SLC36A4: variants seen among roughly 807,000 people sequenced by gnomAD.
The protein encoded by SLC36A4 is neutral amino acid uniporter 4.
A neutral mutation model predicts 50.5 loss-of-function variants in SLC36A4; 49 were observed. That is an observed-to-expected ratio of 0.97 (90% confidence interval 0.77 to 1.23). The LOEUF is 1.23. Ranked by LOEUF, SLC36A4 falls within the 50% of genes most tolerant of loss-of-function variation. The probability of loss-of-function intolerance (pLI) is 0.00; values close to 1 mark genes in which losing one functional copy is unlikely to be tolerated. For synonymous variants in SLC36A4, 207 were observed against 206.5 expected, an observed-to-expected ratio of 1.00 and a Z score of -0.02; for missense variants, 611 against 608.4, an observed-to-expected ratio of 1.00 and a Z score of -0.05.
intron 7 of SLC36A4, chr11:93,166,427 T>C (rs1319921297): frequency 9.1e-6 from 9 of 989,200 alleles, no homozygotes; most frequent in Middle Eastern, 5.2e-4. Flanking sequence ...TCTATTTTTA[T>C]TGCTCTTTCA....
chr11:93,156,054 T>A (rs1468549041), intron 9 of SLC36A4, among the ~76,000 whole-genome samples: 1 of 152,212 alleles, frequency 6.6e-6, no homozygotes, highest in Non-Finnish European at 1.5e-5. Context: ...TATGTGTTTT[T>A]CTAATAGAAT....
At chr11:93,197,486 T>G in intron 1 of SLC36A4, 1 of 489,070 alleles carries the variant, frequency 2.0e-6, no homozygotes, top group Non-Finnish European at 3.6e-6. Flanking sequence ...CTCTTGCGTC[T>G]TTGACGTGTA....
Position 93,148,590 on chromosome 11 carries a change from G to C in SLC36A4, c.1462C>G (p.Gln488Glu), listed in dbSNP as rs1255790733. 3.7e-6 allele frequency: 6 copies of C among 1,612,698 alleles called. No homozygotes were observed. The South Asian group carries it at 5.5e-5, about 15-fold the overall frequency. The change falls in exon 11 of 11, where the codon CAG (glutamine) becomes GAG (glutamate). Residue 488 changes from glutamine (Q) to glutamate (E), a missense_variant. Coordinates refer to ENST00000326402, the MANE Select transcript of SLC36A4 (RefSeq NM_152313.4). Reference protein sequence around the residue: ...PTPKVVAGTPQSPFLNLNSTC... With the variant: ...PTPKVVAGTPESPFLNLNSTC... ...GAATTCAAATTTAGAAAAGGACTCTGTGGAGTGCCAGCTACAACTTTGGGA... is the reference window on the plus strand; with the variant it reads ...GAATTCAAATTTAGAAAAGGACTCTCTGGAGTGCCAGCTACAACTTTGGGA...
intron 1 of SLC36A4, among the ~76,000 whole-genome samples, chr11:93,195,003 C>T (rs1044239081): frequency 6.6e-5 from 10 of 151,944 alleles, no homozygotes; most frequent in East Asian, 5.8e-4. Context: ...GGCTATTGTC[C>T]GGAGCCCTCA....
chr11:93,160,489 T>C, intron 9 of SLC36A4: 1 of 985,360 alleles, frequency 1.0e-6, no homozygotes, highest in African/African-American at 1.7e-5. Flanking sequence ...CAATTAGGAA[T>C]AAGGTCAGAT....
rs1859878097 is a variant in SLC36A4 at position 93,147,394 on chromosome 11, T to C, written c.*1143A>G. The C allele has an allele frequency of 1.3e-5, 2 of 152,100 alleles. No individual in the cohort carries two copies. The highest frequency in any genetic ancestry group is 2.1e-4 in the South Asian group (1 of 4,832). The allele number at this position is 152,100 out of a possible 1,614,324, so 9.4% of individuals were successfully genotyped here. On this transcript the variant is annotated 3_prime_UTR_variant, in exon 11 of 11. Transcript: ENST00000326402. ...TTTCTGAGGTGTCTATTTTCTGCCA[T>C]TCAGGAATGTGGTGCCTACAAAACT...
intron 4 of SLC36A4, chr11:93,182,234 TTCTC>T (rs921243590): frequency 1.3e-6 from 1 of 748,594 alleles, no homozygotes; most frequent in Non-Finnish European, 1.6e-6. Context: ...TATTTCTCCA[TTCTC>T]TCTTTTTTTT....
intron 1 of SLC36A4, among the ~76,000 whole-genome samples, chr11:93,197,005 T>C (rs1206561090): frequency 6.6e-6 from 1 of 152,206 alleles, no homozygotes; most frequent in African/African-American, 2.4e-5. Flanking sequence ...CCCTGCAGGC[T>C]ATTAGAGGAA....
At chr11:93,190,619 C>T (rs1306960944) in intron 1 of SLC36A4, among the ~76,000 whole-genome samples, 3 of 152,112 alleles carry the variant, frequency 2.0e-5, no homozygotes, top group Admixed American at 6.5e-5. Context: ...GATTAAAATA[C>T]TTCTTAATAG....
chr11:93,153,348 A>AT lies in SLC36A4; in HGVS notation c.1207+759dup, dbSNP rs1490261107. Among the ~76,000 whole-genome samples, 3 of 152,274 alleles carry AT rather than the reference A, an allele frequency of 2.0e-5. No homozygotes were observed. The East Asian group carries it at 5.8e-4, about 29-fold the overall frequency. On this transcript the variant is annotated intron_variant, in intron 10 of 10. Transcript: ENST00000326402. ...TACAGTAATGGTTACAATAATGATCATAACTTCCAGCTATTAATACTTTGT... is the reference window on the plus strand; with the variant it reads ...TACAGTAATGGTTACAATAATGATCATTAACTTCCAGCTATTAATACTTTGT...
At chr11:93,174,137 T>C (rs1330655510) in intron 6 of SLC36A4, among the ~76,000 whole-genome samples, 9 of 150,558 alleles carry the variant, frequency 6.0e-5, no homozygotes, top group African/African-American at 1.7e-4. Flanking sequence ...CAGTGGTTTG[T>C]AGTTCTCCTT....
chr11:93,166,965 CT>C (rs1860897351), intron 7 of SLC36A4: 1 of 152,154 alleles, frequency 6.6e-6, no homozygotes, highest in Non-Finnish European at 1.5e-5. Context: ...AAGCAGGATG[CT>C]ATTTCACTTC....
At chr11:93,148,873 T>C (rs746662072) in intron 10 of SLC36A4, 29 bp from the exon 11 acceptor site, 1 of 1,566,934 alleles carries the variant, frequency 6.4e-7, no homozygotes, top group South Asian at 1.2e-5. Flanking sequence ...TTTATTTTTC[T>C]TATTTAAATG....
chr11:93,150,682 T>C (rs1860046201), intron 10 of SLC36A4, among the ~76,000 whole-genome samples: 2 of 152,106 alleles, frequency 1.3e-5, no homozygotes, highest in Admixed American at 6.6e-5. Context: ...ATTCGTCTAA[T>C]AGATGCTTGT....
chr11:93,148,844 C>T lies in SLC36A4; in HGVS notation c.1208G>A (p.Cys403Tyr), dbSNP rs1323631059. The change falls in exon 11 of 11, where the codon TGT (cysteine) becomes TAT (tyrosine). Residue 403 changes from cysteine (C) to tyrosine (Y), a missense_variant and splice_region_variant. Transcript: ENST00000326402. Reference sequence around the variant, plus strand: ...ACGAGGAATAAGAATTGCTCCGGCACCTAGAAAATGAAAATACATTTATTT... The same window carrying T: ...ACGAGGAATAAGAATTGCTCCGGCATCTAGAAAATGAAAATACATTTATTT... ...GIRSFLVSIT[C>Y]AGAILIPRLD... 12 of 1,595,894 alleles carry T rather than the reference C, an allele frequency of 7.5e-6. No homozygotes were observed. The highest frequency in any genetic ancestry group is 1.0e-5 in the Non-Finnish European group (12 of 1,175,270).
intron 9 of SLC36A4, among the ~76,000 whole-genome samples, chr11:93,156,817 T>C (rs867656153): frequency 7.2e-5 from 11 of 152,140 alleles, no homozygotes; most frequent in Admixed American, 2.0e-4. Flanking sequence ...GTTCACTCTG[T>C]TGATAGTTTT....
At chr11:93,175,005 T>C (rs1311982240) in intron 6 of SLC36A4, among the ~76,000 whole-genome samples, 1 of 151,916 alleles carries the variant, frequency 6.6e-6, no homozygotes. Context: ...TTGATTGGAA[T>C]ACTTTCAGAA....
chr11:93,181,997 C>T (rs1861757932), intron 4 of SLC36A4, among the ~76,000 whole-genome samples: 2 of 152,210 alleles, frequency 1.3e-5, no homozygotes, highest in African/African-American at 4.8e-5. Context: ...TTTACCAGTA[C>T]ATTAATTTTA....
In SLC36A4 at chr11:93,168,098, C is replaced by T. The variant is rs1025816105; in HGVS notation, c.614G>A (p.Arg205Lys). 6.2e-7 allele frequency: 1 copy of T among 1,612,530 alleles called. No homozygotes were observed. Among genetic ancestry groups the T allele is most frequent in the Non-Finnish European group, 8.5e-7 (1 of 1,179,032 alleles). ...STNSSNPCERRSVDLRIYMLC... is the reference protein window; with the variant it reads ...STNSSNPCERKSVDLRIYMLC... ...CATATATATCCTTAGGTCAACACTT[C>T]TTCTCTCACAAGGGTTTGATGAATT... Residue 205 changes from arginine (R) to lysine (K), a missense_variant, in exon 7 of 11, where the codon AGA (arginine) becomes AAA (lysine). Coordinates refer to ENST00000326402, the MANE Select transcript of SLC36A4 (RefSeq NM_152313.4).
Sources: allele counts gnomAD v4.1 joint callset (sites outside exome capture counted in the v4.1 genomes callset), GRCh38; gene constraint gnomAD v4.1.1; transcripts MANE v1.5; gene names NCBI Gene and HGNC (gene_info 2026-07-23, HGNC 2026-07-21).